TOX: variants seen among roughly 807,000 people sequenced by gnomAD.
The protein encoded by TOX is thymocyte selection-associated high mobility group box protein TOX.
TOX carries 11 observed loss-of-function variants against 53.7 expected under a neutral mutation model. The ratio of observed to expected loss-of-function variants is 0.20; its 90% CI spans 0.13 to 0.34. The LOEUF is 0.34. TOX is among the 10% of genes least tolerant of loss of function. The pLI is 1.00. For missense variants in TOX, 570 were observed against 664.6 expected (o/e 0.86, Z 1.56); for synonymous variants, 225 against 245.3 (o/e 0.92, Z 0.77).
At chr8:58,884,335 A>G (rs960217175) in intron 3 of TOX, among the ~76,000 whole-genome samples, 3 of 152,164 alleles carry the variant, frequency 2.0e-5, no homozygotes, top group African/African-American at 4.8e-5. Flanking sequence ...TCATCTAAGA[A>G]GGTTATTCAT....
chr8:58,900,204 G>A (rs1811711711), intron 3 of TOX, among the ~76,000 whole-genome samples: 1 of 151,888 alleles, frequency 6.6e-6, no homozygotes, highest in Non-Finnish European at 1.5e-5. Flanking sequence ...AATAAACAGT[G>A]GCCCAACATA....
chr8:58,901,530 G>A (rs929670854), intron 3 of TOX, among the ~76,000 whole-genome samples: 3 of 152,098 alleles, frequency 2.0e-5, no homozygotes, highest in Non-Finnish European at 4.4e-5. Context: ...TGTTTCTGTG[G>A]CAGGAAACTG....
intron 1 of TOX, among the ~76,000 whole-genome samples, chr8:59,046,131 C>T (rs2129421019): frequency 6.6e-6 from 1 of 152,274 alleles, no homozygotes; most frequent in South Asian, 2.1e-4. Context: ...GATTTTTACC[C>T]TCCATGTTGC....
At chr8:58,926,121 C>A (rs937505484) in intron 3 of TOX, among the ~76,000 whole-genome samples, 3 of 152,226 alleles carry the variant, frequency 2.0e-5, no homozygotes, top group African/African-American at 7.2e-5. Context: ...TATAGCTCAT[C>A]TTCTGAGATA....
At chr8:59,076,731 C>T (rs1019097587) in intron 1 of TOX, among the ~76,000 whole-genome samples, 11 of 152,082 alleles carry the variant, frequency 7.2e-5, no homozygotes, top group Admixed American at 7.2e-4. Context: ...AAGAATATTT[C>T]TATTCAAAAA....
chr8:59,001,173 C>A (rs1813682299), intron 1 of TOX, among the ~76,000 whole-genome samples: 2 of 152,174 alleles, frequency 1.3e-5, no homozygotes, highest in South Asian at 4.1e-4. Context: ...GCCAATGTGG[C>A]AGGAAGAACT....
At chr8:59,092,356 T>G (rs1401514740) in intron 1 of TOX, among the ~76,000 whole-genome samples, 1 of 124,482 alleles carries the variant, frequency 8.0e-6, no homozygotes. Context: ...TTATATATAT[T>G]ATATATATAT....
intron 4 of TOX, among the ~76,000 whole-genome samples, chr8:58,849,519 A>C (rs1810772707): frequency 6.6e-6 from 1 of 152,222 alleles, no homozygotes; most frequent in Non-Finnish European, 1.5e-5. Flanking sequence ...CTTTAGCAAA[A>C]TTACAAAATA....
chr8:59,070,291 T>C lies in TOX; in HGVS notation c.102+48595A>G, dbSNP rs113957956. Among the ~76,000 whole-genome samples, 31 of 152,292 alleles carry C rather than the reference T, an allele frequency of 2.0e-4. 1 individual carries two copies. The highest frequency in any genetic ancestry group is 6.5e-4 in the African/African-American group (27 of 41,558). ...TACTTTTTAATGGGTCTCTTATACC[T>C]ACACAGTGACAAACTAGAGTTGAAT... On this transcript the variant is annotated intron_variant, in intron 1 of 8. Coordinates refer to ENST00000361421, the MANE Select transcript of TOX (RefSeq NM_014729.3).
At chr8:59,073,688 T>A (rs773896736) in intron 1 of TOX, among the ~76,000 whole-genome samples, 2 of 152,182 alleles carry the variant, frequency 1.3e-5, no homozygotes, top group Non-Finnish European at 2.9e-5. Flanking sequence ...ATGGTCTTCA[T>A]AAATCTATTT....
intron 1 of TOX, among the ~76,000 whole-genome samples, chr8:59,044,232 A>G (rs1803646886): frequency 9.3e-6 from 1 of 107,328 alleles, no homozygotes; most frequent in South Asian, 2.6e-4. Flanking sequence ...GCACTCATCA[A>G]AAAAAAAAAA....
intron 1 of TOX, among the ~76,000 whole-genome samples, chr8:58,998,527 A>AAATT (rs1256370779): frequency 3.4e-3 from 136 of 40,164 alleles, no homozygotes; most frequent in South Asian, 0.011. Flanking sequence ...ATATATATAT[A>AAATT]TATATATATA....
intron 3 of TOX, among the ~76,000 whole-genome samples, chr8:58,884,930 CA>C (rs1413977858): frequency 2.6e-5 from 4 of 152,064 alleles, no homozygotes; most frequent in Non-Finnish European, 5.9e-5. Flanking sequence ...TGAAGTGATT[CA>C]AAGCTGAACA....
At chr8:59,092,295 A>ATATATAT (rs1236268941) in intron 1 of TOX, among the ~76,000 whole-genome samples, 3 of 113,236 alleles carry the variant, frequency 2.6e-5, no homozygotes, top group Non-Finnish European at 4.7e-5. Flanking sequence ...TATATACATT[A>ATATATAT]TATATATTAT....
intron 1 of TOX, among the ~76,000 whole-genome samples, chr8:59,079,562 G>A (rs1164803139): frequency 1.3e-5 from 2 of 152,196 alleles, no homozygotes; most frequent in Admixed American, 6.5e-5. Context: ...CCTTTCATGT[G>A]GTGTTAAGCC....
chr8:59,021,863 G>A (rs1447479940), intron 1 of TOX, among the ~76,000 whole-genome samples: 1 of 151,928 alleles, frequency 6.6e-6, no homozygotes, highest in African/African-American at 2.4e-5. Flanking sequence ...ATTTTATTAG[G>A]TGATAAAAGC....
At chr8:58,973,616 C>A (rs1002749849) in intron 1 of TOX, among the ~76,000 whole-genome samples, 15 of 152,156 alleles carry the variant, frequency 9.9e-5, no homozygotes, top group Middle Eastern at 3.4e-3. Flanking sequence ...CTGCATTAAC[C>A]ATATAGTATA....
intron 3 of TOX, among the ~76,000 whole-genome samples, chr8:58,904,301 ATAT>A (rs202053858): frequency 0.016 from 2,414 of 150,306 alleles, 71 homozygotes; most frequent in African/African-American, 0.056. Flanking sequence ...TGTAGACGAC[ATAT>A]TTTTTTTTTT....
At position 58,815,815 on chromosome 8, in the gene TOX, C is replaced by G. The variant is rs1810166786; in HGVS notation, c.1006-91G>C. The G allele has an allele frequency of 5.7e-6, 8 of 1,403,676 alleles. No individual in the cohort carries two copies. The South Asian group carries it at 1.1e-4, about 20-fold the overall frequency. The allele number at this position is 1,403,676 out of a possible 1,614,324, so 87.0% of individuals were successfully genotyped here. ...CTTTGTGAGTTTATTAAAGCACCTT[C>G]CCTGGAATCCATACCCATGACTATC... On this transcript the variant is annotated intron_variant, in intron 6 of 8. Transcript: ENST00000361421.
Sources: allele counts gnomAD v4.1 joint callset (sites outside exome capture counted in the v4.1 genomes callset), GRCh38; gene constraint gnomAD v4.1.1; transcripts MANE v1.5; gene names NCBI Gene and HGNC (gene_info 2026-07-23, HGNC 2026-07-21).